ATF6: variants seen among roughly 807,000 people sequenced by gnomAD.
ATF6 encodes activating transcription factor 6.
Under a neutral mutation model 83.6 loss-of-function variants are expected in ATF6, and 53 were observed. That is an observed-to-expected ratio of 0.63 (90% CI 0.51 to 0.80). The LOEUF (loss-of-function observed/expected upper bound fraction) is 0.80, where lower values mean the gene tolerates loss of function less well. Among genes scored for constraint, ATF6 ranks in the 30% least tolerant of loss-of-function variants. The pLI, the probability that ATF6 is intolerant of heterozygous loss-of-function variation, is 0.00. For missense variants in ATF6, 744 were observed against 797.9 expected (o/e 0.93, Z 0.81); for synonymous variants, 288 against 285.8 (o/e 1.01, Z -0.08).
rs117755773 is a variant in ATF6 at position 161,779,164 on chromosome 1, A to G, written c.159+844A>G. On this transcript the variant is annotated intron_variant, in intron 2 of 15. Transcript: ENST00000367942. ...GGATTTTAATGGTTTCATTTACTCC[A>G]TGAGATACTTTAGAATGTGGCCCAT... Among the ~76,000 whole-genome samples, 48 of 152,350 alleles carry G rather than the reference A, an allele frequency of 3.2e-4. 1 individual carries two copies. In the East Asian group the frequency reaches 5.8e-3, roughly 18 times the overall value.
intron 14 of ATF6, among the ~76,000 whole-genome samples, chr1:161,907,194 T>G (rs1031872276): frequency 1.3e-5 from 2 of 152,200 alleles, no homozygotes; most frequent in Non-Finnish European, 2.9e-5. Context: ...AGTTGATGCT[T>G]TGGCTCTGAT....
chr1:161,846,857 A>C (rs1011771907), intron 10 of ATF6, among the ~76,000 whole-genome samples: 1 of 151,792 alleles, frequency 6.6e-6, no homozygotes, highest in Non-Finnish European at 1.5e-5. Flanking sequence ...CATATTATAT[A>C]TAATGTCTTT....
At chr1:161,771,464 C>T (rs1684387435) in intron 1 of ATF6, among the ~76,000 whole-genome samples, 1 of 152,170 alleles carries the variant, frequency 6.6e-6, no homozygotes, top group South Asian at 2.1e-4. Context: ...ACCATAGGGC[C>T]TCTGTTGGTG....
At chr1:161,893,840 T>C (rs1687612612) in intron 14 of ATF6, among the ~76,000 whole-genome samples, 2 of 152,176 alleles carry the variant, frequency 1.3e-5, no homozygotes, top group Admixed American at 1.3e-4. Flanking sequence ...CATAATATAA[T>C]CATCTTTTGC....
In ATF6 at chr1:161,923,255, C is replaced by G. The variant is rs74125045; in HGVS notation, c.1804+10875C>G. ...TTATTTAACTGTGTCTCTTCCTCCT[C>G]TTCATCCCATGCCTAAAGAAATGCT... On this transcript the variant is annotated intron_variant, in intron 15 of 15. Coordinates refer to ENST00000367942, the MANE Select transcript of ATF6 (RefSeq NM_007348.4). Among the ~76,000 whole-genome samples the G allele has an allele frequency of 9.7e-3, 1,470 of 152,204 alleles. 31 individuals are homozygous for G. Among genetic ancestry groups the G allele is most frequent in the African/African-American group, 0.034 (1,393 of 41,518 alleles).
At position 161,835,624 on chromosome 1, in the gene ATF6, C is replaced by T. The variant is rs376577574; in HGVS notation, c.1188-10825C>T. Among the ~76,000 whole-genome samples, 26 of 152,168 alleles carry T rather than the reference C, an allele frequency of 1.7e-4. 1 individual carries two copies. In the South Asian group the frequency reaches 4.8e-3, roughly 28 times the overall value. On this transcript the variant is annotated intron_variant, in intron 9 of 15. Coordinates refer to ENST00000367942, the MANE Select transcript of ATF6 (RefSeq NM_007348.4). ...ATTCATTAGATTATAAGATAATGTA[C>T]GTAAGGGAAGTTTTTATTAAAATGT...
intron 14 of ATF6, among the ~76,000 whole-genome samples, chr1:161,907,620 G>T (rs890177536): frequency 5.3e-5 from 8 of 152,210 alleles, no homozygotes; most frequent in African/African-American, 1.7e-4. Context: ...CTCCAACCTT[G>T]AGCCAGAGTT....
intron 9 of ATF6, among the ~76,000 whole-genome samples, chr1:161,831,808 G>A (rs908747810): frequency 7.5e-6 from 1 of 133,832 alleles, no homozygotes; most frequent in Non-Finnish European, 1.6e-5. Context: ...GGTCGGGGGA[G>A]GGGGGAGGGA....
At chr1:161,800,503 C>T (rs1026210132) in intron 6 of ATF6, among the ~76,000 whole-genome samples, 8 of 152,178 alleles carry the variant, frequency 5.3e-5, no homozygotes, top group South Asian at 2.1e-4. Flanking sequence ...CATTTTCTTA[C>T]ACTTATTCAC....
intron 4 of ATF6, among the ~76,000 whole-genome samples, chr1:161,790,503 C>A (rs967017110): frequency 6.6e-6 from 1 of 152,042 alleles, no homozygotes; most frequent in African/African-American, 2.4e-5. Flanking sequence ...AATTCACCTA[C>A]TAAATTAAAG....
intron 14 of ATF6, among the ~76,000 whole-genome samples, chr1:161,904,658 T>A (rs1448741680): frequency 6.6e-6 from 1 of 150,798 alleles, no homozygotes; most frequent in African/African-American, 2.4e-5. Context: ...CAAAACTGAA[T>A]GGAAACTGAG....
intron 1 of ATF6, among the ~76,000 whole-genome samples, chr1:161,774,509 G>A (rs1214153632): frequency 6.6e-6 from 1 of 152,058 alleles, no homozygotes; most frequent in Non-Finnish European, 1.5e-5. Context: ...TTTAAGAACA[G>A]TGCAAAGAAC....
chr1:161,891,916 A>T lies in ATF6; in HGVS notation c.1720-20380A>T, dbSNP rs78056510. On this transcript the variant is annotated intron_variant, in intron 14 of 15. Coordinates refer to ENST00000367942, the MANE Select transcript of ATF6 (RefSeq NM_007348.4). Reference sequence around the variant, plus strand: ...AAAAAGAAAAGACTGCCATTTTTAAAAGCAGCTTTATAGATAAATGTTGGC... The same window carrying T: ...AAAAAGAAAAGACTGCCATTTTTAATAGCAGCTTTATAGATAAATGTTGGC... 4.2e-4 allele frequency: 64 copies of T among 152,356 alleles called. No individual in the cohort carries two copies. The East Asian group carries it at 0.011, about 27-fold the overall frequency. The allele number at this position is 152,356 out of a possible 1,614,324, so 9.4% of individuals were successfully genotyped here.
At chr1:161,801,183 A>G (rs570573462) in intron 6 of ATF6, among the ~76,000 whole-genome samples, 14 of 152,234 alleles carry the variant, frequency 9.2e-5, no homozygotes, top group African/African-American at 3.4e-4. Context: ...AGATTAGCAT[A>G]AATTTAAAAT....
chr1:161,889,402 T>C (rs958570860), intron 14 of ATF6, among the ~76,000 whole-genome samples: 8 of 152,258 alleles, frequency 5.3e-5, no homozygotes, highest in Non-Finnish European at 8.8e-5. Context: ...CACAGGTGTT[T>C]ATCACAAGAA....
rs750265214 is a variant in ATF6 at position 161,851,807 on chromosome 1, C to T, written c.1405C>T (p.Pro469Ser). 5 of 1,613,410 alleles carry T rather than the reference C, an allele frequency of 3.1e-6. No individual in the cohort carries two copies. Among genetic ancestry groups the T allele is most frequent in the African/African-American group, 1.3e-5 (1 of 75,020 alleles). ...TTACATTCCTCCACCTCCTTGTCAG[C>T]CCCTAATTAACACAACAGAGTCTCT... The part of the protein sequence containing the change: ...LLYIPPPPCQ[P>S]LINTTESLRL... The change falls in exon 11 of 16, where the codon CCC becomes TCC. Residue 469 changes from proline (P) to serine (S), a missense_variant. Pro to Ser is a moderately conservative substitution (Grantham distance 74, BLOSUM62 -1). Coordinates refer to ENST00000367942, the MANE Select transcript of ATF6 (RefSeq NM_007348.4).
Position 161,819,736 on chromosome 1 carries a change from T to A in ATF6, c.1013T>A (p.Leu338Ter). The A allele has an allele frequency of 6.2e-7, 1 of 1,612,994 alleles. No homozygotes were observed. The highest frequency in any genetic ancestry group is 8.5e-7 in the Non-Finnish European group (1 of 1,179,580). ...KEYMLGLEAR[L>*]KAALSENEQL... is the part of the protein sequence containing the mutation. Reference sequence around the variant, plus strand: ...TATATGCTAGGGTTAGAGGCGAGATTAAAGGCTGCCCTCTCAGAAAACGAG... The same window carrying A: ...TATATGCTAGGGTTAGAGGCGAGATAAAAGGCTGCCCTCTCAGAAAACGAG... The change falls in exon 8 of 16, where the codon TTA becomes TAA. Residue 338 changes from leucine to a stop codon, truncating the protein, a stop_gained. Coordinates refer to ENST00000367942, the MANE Select transcript of ATF6 (RefSeq NM_007348.4). LOFTEE classifies it high-confidence loss of function.
intron 14 of ATF6, among the ~76,000 whole-genome samples, chr1:161,876,820 G>T (rs1029043622): frequency 6.6e-6 from 1 of 151,838 alleles, no homozygotes; most frequent in African/African-American, 2.4e-5. Flanking sequence ...TATCTTATAT[G>T]TAGACAGTAT....
rs4040222 is a variant in ATF6 at position 161,812,784 on chromosome 1, CTGTGTGTGTG to C, written c.910-6825_910-6816del. On this transcript the variant is annotated intron_variant, in intron 7 of 15. Transcript: ENST00000367942. ...GATGGAAGTAATAATTTTGCCTCCT[CTGTGTGTGTG>C]TGTGTGTGTGTGTGTGTGTGTGTCA... Among the ~76,000 whole-genome samples, 272 of 145,442 alleles carry C rather than the reference CTGTGTGTGTG, an allele frequency of 1.9e-3. 1 individual carries two copies. The highest frequency in any genetic ancestry group is 3.6e-3 in the Middle Eastern group (1 of 280).
Sources: gnomAD v4.1 joint callset for allele counts (sites outside exome capture counted in the v4.1 genomes callset) on GRCh38, gnomAD v4.1.1 for gene constraint, MANE v1.5 for transcripts, NCBI Gene and HGNC (gene_info 2026-07-23, HGNC 2026-07-21) for gene names.